EVL: variants seen among roughly 807,000 people sequenced by gnomAD.
EVL encodes the protein Enah/Vasp-like, also known as ena/VASP-like protein.
EVL carries 21 observed loss-of-function variants against 59.6 expected under a neutral mutation model. The observed-to-expected ratio is 0.35, with a 90% CI of 0.25 to 0.51. The LOEUF (loss-of-function observed/expected upper bound fraction) is 0.51, where lower values mean the gene tolerates loss of function less well. EVL is among the 20% of genes least tolerant of loss of function. The pLI, the probability that EVL is intolerant of heterozygous loss-of-function variation, is 0.97. For synonymous variants in EVL, 198 were observed against 203.5 expected (o/e 0.97, Z 0.23); for missense variants, 462 against 546.6 (o/e 0.85, Z 1.54).
At chr14:99,975,847 T>G (rs2060766726) in intron 1 of EVL, among the ~76,000 whole-genome samples, 1 of 152,138 alleles carries the variant, frequency 6.6e-6, no homozygotes, top group Admixed American at 6.6e-5. Context: ...TCACTATATC[T>G]TCTATGTCTC....
At chr14:100,008,413 A>T (rs2060996877) in intron 1 of EVL, among the ~76,000 whole-genome samples, 1 of 152,212 alleles carries the variant, frequency 6.6e-6, no homozygotes, top group African/African-American at 2.4e-5. Flanking sequence ...GCTCAAAGTG[A>T]GGAGATCAGA....
intron 1 of EVL, among the ~76,000 whole-genome samples, chr14:100,008,182 T>A: frequency 6.6e-6 from 1 of 152,190 alleles, no homozygotes; most frequent in East Asian, 1.9e-4. Context: ...GGTTCTCTCC[T>A]CCAGCCTCTG....
In EVL at chr14:100,137,816, C is replaced by T. The variant is rs1256480468; in HGVS notation, c.1094+14C>T. 1.2e-6 allele frequency: 2 copies of T among 1,613,570 alleles called. No individual in the cohort carries two copies. The highest frequency in any genetic ancestry group is 8.5e-7 in the Non-Finnish European group (1 of 1,179,734). On this transcript the variant is annotated intron_variant, in intron 11 of 13. Coordinates refer to ENST00000392920, the MANE Select transcript of EVL (RefSeq NM_016337.3). ...GCCTCACTCTAGGTACCGAACAACC[C>T]TCCTGCTCACATGTCCCCCAGGGTT...
chr14:100,104,549 G>A (rs2140332538), intron 3 of EVL, among the ~76,000 whole-genome samples: 1 of 152,332 alleles, frequency 6.6e-6, no homozygotes, highest in South Asian at 2.1e-4. Flanking sequence ...CTAGTGTGAG[G>A]GCCCCAGGGC....
intron 1 of EVL, among the ~76,000 whole-genome samples, chr14:100,014,758 G>A (rs1479671161): frequency 2.0e-5 from 3 of 152,170 alleles, no homozygotes; most frequent in Non-Finnish European, 4.4e-5. Flanking sequence ...GAGTAAGACA[G>A]GCAGGAGATC....
In EVL at chr14:100,003,029, C is replaced by T. The variant is rs549111364; in HGVS notation, c.5+30972C>T. 2.5e-4 allele frequency among the ~76,000 whole-genome samples: 38 copies of T among 152,186 alleles called. 1 individual carries two copies. The highest frequency in any genetic ancestry group is 8.7e-4 in the African/African-American group (36 of 41,504). ...ATGCTTCAAGAAAAGCTTGTTAATC[C>T]GACATAGGAGCCCGTATGCTGGTCT... On this transcript the variant is annotated intron_variant, in intron 1 of 13. Transcript: ENST00000402714.
rs118011265 is a variant in EVL at position 100,143,324 on chromosome 14, C to T, written c.1220-377C>T. Among the ~76,000 whole-genome samples, 979 of 152,122 alleles carry T rather than the reference C, an allele frequency of 6.4e-3. 3 individuals carry two copies. The highest frequency in any genetic ancestry group is 8.7e-3 in the Non-Finnish European group (594 of 67,950). On this transcript the variant is annotated intron_variant, in intron 13 of 13. Coordinates refer to ENST00000392920, the MANE Select transcript of EVL (RefSeq NM_016337.3). ...GTTGGGGGAAGGGCTCCCGGGCCCC[C>T]GGCACCTGGACACCCACCTGTCCAG...
intron 2 of EVL, among the ~76,000 whole-genome samples, chr14:100,087,710 A>T (rs971415236): frequency 6.6e-6 from 1 of 152,250 alleles, no homozygotes; most frequent in Admixed American, 6.5e-5. Flanking sequence ...GAGTAAATTA[A>T]TAGAGGTGGA....
chr14:100,010,234 G>T (rs969616897), intron 1 of EVL, among the ~76,000 whole-genome samples: 1 of 152,174 alleles, frequency 6.6e-6, no homozygotes, highest in Non-Finnish European at 1.5e-5. Flanking sequence ...TGTTATGCCA[G>T]AGTCACTCAG....
chr14:100,132,825 G>C, intron 8 of EVL, 46 bp downstream of exon 8: 1 of 1,607,204 alleles, frequency 6.2e-7, no homozygotes, highest in Non-Finnish European at 8.5e-7. Flanking sequence ...ACTGAGATGA[G>C]CGCATCGCCA....
chr14:100,050,286 G>C (rs2061625239), intron 1 of EVL, among the ~76,000 whole-genome samples: 1 of 151,948 alleles, frequency 6.6e-6, no homozygotes, highest in African/African-American at 2.4e-5. Context: ...GTCAACAGGA[G>C]GTATCTCAAT....
chr14:100,116,483 G>A (rs567180048), intron 3 of EVL, among the ~76,000 whole-genome samples: 1 of 152,342 alleles, frequency 6.6e-6, no homozygotes, highest in African/African-American at 2.4e-5. Flanking sequence ...CCATCCCAGA[G>A]GAGCTGGGGG....
At chr14:100,107,978 G>C (rs1030270557) in intron 3 of EVL, 1 of 152,226 alleles carries the variant, frequency 6.6e-6, no homozygotes, top group Non-Finnish European at 1.5e-5. Context: ...TGAAGTGCTT[G>C]TTCTCTTTGG....
At chr14:100,101,003 A>G (rs1193432856) in intron 3 of EVL, among the ~76,000 whole-genome samples, 1 of 152,094 alleles carries the variant, frequency 6.6e-6, no homozygotes, top group Non-Finnish European at 1.5e-5. Context: ...ATGTGTCCAT[A>G]TTCGCATGCT....
At chr14:100,061,793 A>G (rs1238408517), upstream of EVL, among the ~76,000 whole-genome samples, 1 of 152,182 alleles carries the variant, frequency 6.6e-6, no homozygotes, top group South Asian at 2.1e-4. Flanking sequence ...TAGAGAAAAA[A>G]TTTTATTAAA....
At chr14:99,991,702 G>A (rs867542270) in intron 1 of EVL, among the ~76,000 whole-genome samples, 2 of 152,082 alleles carry the variant, frequency 1.3e-5, no homozygotes, top group East Asian at 1.9e-4. Flanking sequence ...CGGGGTAAAC[G>A]CAGCAACCAC....
chr14:100,115,190 A>G (rs1213634139), intron 3 of EVL, among the ~76,000 whole-genome samples: 1 of 152,092 alleles, frequency 6.6e-6, no homozygotes, highest in Non-Finnish European at 1.5e-5. Context: ...CAGAAAGAAT[A>G]TTCTGCAGGG....
chr14:100,135,895 T>C lies in EVL; in HGVS notation c.901-10T>C, dbSNP rs1163317674. 3 of 1,613,870 alleles carry C rather than the reference T, an allele frequency of 1.9e-6. No individual in the cohort carries two copies. Among genetic ancestry groups the C allele is most frequent in the Non-Finnish European group, 1.7e-6 (2 of 1,179,930 alleles). ...CCTTCCTAAACAGACTCCCTTCTTC[T>C]CCATTTTAGGAAGATCCTAGTACCT... On this transcript the variant is annotated splice_polypyrimidine_tract_variant and intron_variant, in intron 8 of 13. Transcript: ENST00000392920.
intron 1 of EVL, among the ~76,000 whole-genome samples, chr14:100,069,858 T>TA (rs1296874594): frequency 6.6e-6 from 1 of 152,102 alleles, no homozygotes; most frequent in African/African-American, 2.4e-5. Flanking sequence ...ACCATTACGC[T>TA]AGTTACATGA....
Sources: gnomAD v4.1 joint callset for allele counts (sites outside exome capture counted in the v4.1 genomes callset) on GRCh38, gnomAD v4.1.1 for gene constraint, MANE v1.5 for transcripts, NCBI Gene and HGNC (gene_info 2026-07-23, HGNC 2026-07-21) for gene names.